AAGAB: variants seen among roughly 807,000 people sequenced by gnomAD.
AAGAB encodes the protein alpha- and gamma-adaptin-binding protein p34.
AAGAB carries 38 observed loss-of-function variants against 44.1 expected under a neutral mutation model. The observed-to-expected ratio is 0.86, with a 90% confidence interval of 0.67 to 1.13. The LOEUF is 1.13. AAGAB is among the 50% of genes most tolerant of loss of function. AAGAB has a pLI of 0.00. For missense variants in AAGAB, 450 were observed against 373.8 expected (o/e 1.20, Z -1.68); for synonymous variants, 131 against 131.8 (o/e 0.99, Z 0.04).
At chr15:67,243,671 C>T (rs573249551) in intron 1 of AAGAB, among the ~76,000 whole-genome samples, 3 of 152,140 alleles carry the variant, frequency 2.0e-5, no homozygotes, top group Non-Finnish European at 4.4e-5. Context: ...TGATCTACAG[C>T]AAAGAAACCT....
intron 1 of AAGAB, among the ~76,000 whole-genome samples, chr15:67,249,314 C>T (rs2140399460): frequency 6.6e-6 from 1 of 152,186 alleles, no homozygotes; most frequent in East Asian, 1.9e-4. Context: ...GGATTACAGG[C>T]GTGAGCCACC....
intron 5 of AAGAB, among the ~76,000 whole-genome samples, chr15:67,222,240 GCGCACACACACACACA>G (rs1383337163): frequency 1.2e-4 from 11 of 88,194 alleles, no homozygotes; most frequent in African/African-American, 3.3e-4. Context: ...ACGCGCGCGC[GCGCACACACACACACA>G]CACACACACA....
In AAGAB at chr15:67,236,151, A is replaced by G. The variant is rs1373198315; in HGVS notation, c.362-83T>C. 5.4e-6 allele frequency: 6 copies of G among 1,119,038 alleles called. No individual in the cohort carries two copies. In the African/African-American group the frequency reaches 9.3e-5, roughly 17 times the overall value. 69.3% of individuals were successfully genotyped at this position (1,119,038 alleles called of 1,614,324 possible). A position where few individuals can be genotyped will look rare whatever the true frequency, so the allele number is the denominator to read the frequency against. ...CCTGCAATATTCTTCACAAATCTCA[A>G]TGTGTTTCCCTTAATGTCAATGTTA... On this transcript the variant is annotated intron_variant, in intron 3 of 9. Coordinates refer to ENST00000261880, the MANE Select transcript of AAGAB (RefSeq NM_024666.5).
intron 5 of AAGAB, among the ~76,000 whole-genome samples, chr15:67,223,547 C>T (rs1397150867): frequency 6.6e-6 from 1 of 152,064 alleles, no homozygotes; most frequent in African/African-American, 2.4e-5. Context: ...CTTTTCTTAC[C>T]CCTTTCATTG....
In AAGAB at chr15:67,254,559, G is replaced by A. The variant is rs1223038784; in HGVS notation, c.73C>T (p.His25Tyr). ...SVFSGDQLVQ[H>Y]ILGTEDLIVE... is the part of the protein sequence containing the mutation. ...TCGGCCCAGGCGCCTATCTACTCAC[G>A]TTGGACCAGCTGGTCTCCTGAGAAG... The change falls in exon 1 of 10, where the codon CAT becomes TAT. Residue 25 changes from histidine to tyrosine, a missense_variant and splice_region_variant. His to Tyr is a moderately conservative substitution (Grantham distance 83). Coordinates refer to ENST00000261880, the MANE Select transcript of AAGAB (RefSeq NM_024666.5). 1 of 1,607,386 alleles carries A rather than the reference G, an allele frequency of 6.2e-7. No homozygotes were observed. Among genetic ancestry groups the A allele is most frequent in the Non-Finnish European group, 8.5e-7 (1 of 1,177,958 alleles).
chr15:67,229,492 T>C (rs999967499), intron 5 of AAGAB, among the ~76,000 whole-genome samples: 5 of 151,828 alleles, frequency 3.3e-5, no homozygotes, highest in African/African-American at 1.2e-4. Flanking sequence ...CTCCTTGTTC[T>C]TTCTAGATCT....
rs1206024742 is a variant in AAGAB at position 67,201,036 on chromosome 15, T to A, written c.*1785A>T. On this transcript the variant is annotated 3_prime_UTR_variant, in exon 10 of 10. Coordinates refer to ENST00000261880, the MANE Select transcript of AAGAB (RefSeq NM_024666.5). ...AATAGACATTAGCACAGTTTATAAA[T>A]AAATCACATTTTAATCATCTGGCTT... 6.6e-6 allele frequency: 1 copy of A among 152,348 alleles called. No homozygotes were observed. The highest frequency in any genetic ancestry group is 2.4e-5 in the African/African-American group (1 of 41,462). 9.4% of individuals were successfully genotyped at this position (152,348 alleles called of 1,614,324 possible).
At position 67,231,877 on chromosome 15, in the gene AAGAB, C is replaced by G. The variant is rs1233572775; in HGVS notation, c.472G>C (p.Gly158Arg). 2 of 1,611,198 alleles carry G rather than the reference C, an allele frequency of 1.2e-6. No individual in the cohort carries two copies. The highest frequency in any genetic ancestry group is 3.3e-5 in the Admixed American group (2 of 59,974). The change falls in exon 5 of 10, where the codon GGA becomes CGA. Residue 158 changes from glycine (G) to arginine (R), a missense_variant. Physicochemically the swap from Gly to Arg is moderately radical, Grantham distance 125. Coordinates refer to ENST00000261880, the MANE Select transcript of AAGAB (RefSeq NM_024666.5). ...AGGGCTTGGACAATTCGCTTTACTC[C>G]TGTAGATTCTGGGAAGTCATCTAAT... The part of the protein sequence containing the change: ...EEDDDFPEST[G>R]VKRIVQALNA...
chr15:67,228,023 GTTCTT>G (rs1964245058), intron 5 of AAGAB, among the ~76,000 whole-genome samples: 2 of 152,302 alleles, frequency 1.3e-5, no homozygotes, highest in South Asian at 4.1e-4. Flanking sequence ...TTGCTTTGCA[GTTCTT>G]TTAAGAATAT....
intron 1 of AAGAB, among the ~76,000 whole-genome samples, chr15:67,254,054 C>T (rs1020111487): frequency 6.6e-6 from 1 of 152,154 alleles, no homozygotes; most frequent in Non-Finnish European, 1.5e-5. Flanking sequence ...AGATGAAAGG[C>T]GTGAATAACT....
chr15:67,225,148 A>G (rs1253803724), intron 5 of AAGAB, among the ~76,000 whole-genome samples: 1 of 152,220 alleles, frequency 6.6e-6, no homozygotes, highest in Non-Finnish European at 1.5e-5. Context: ...CCAGGTGACT[A>G]AAGTTCCCAG....
chr15:67,254,766 C>A (rs1443737835), upstream of AAGAB: 1 of 1,316,970 alleles, frequency 7.6e-7, no homozygotes, highest in Non-Finnish European at 1.1e-6. Flanking sequence ...CGCCCCTAGA[C>A]CCCCTTCCGC....
chr15:67,237,496 T>A (rs1596007595), intron 1 of AAGAB, among the ~76,000 whole-genome samples: 1 of 152,354 alleles, frequency 6.6e-6, no homozygotes, highest in East Asian at 1.9e-4. Context: ...TATAACTGAA[T>A]CTTTTGGAAA....
chr15:67,237,877 T>G (rs1354940233), intron 1 of AAGAB, among the ~76,000 whole-genome samples: 1 of 152,216 alleles, frequency 6.6e-6, no homozygotes, highest in Non-Finnish European at 1.5e-5. Flanking sequence ...CACTGAAAAC[T>G]AGAAATTAAA....
In AAGAB at chr15:67,202,578, A is replaced by G. The variant is rs1162736514; in HGVS notation, c.*243T>C. On this transcript the variant is annotated 3_prime_UTR_variant, in exon 10 of 10. Coordinates refer to ENST00000261880, the MANE Select transcript of AAGAB (RefSeq NM_024666.5). ...CTACCCTCATTCCTAGAACAAAAAA[A>G]AAGTATATTTAAGAAATCCTCACTC... is the stretch of plus-strand genomic sequence containing the variant. The G allele has an allele frequency of 6.1e-6, 3 of 488,160 alleles. No individual in the cohort carries two copies. Among genetic ancestry groups the G allele is most frequent in the Admixed American group, 6.9e-5 (2 of 28,778 alleles). 30.2% of individuals were successfully genotyped at this position (488,160 alleles called of 1,614,324 possible).
At chr15:67,254,332 A>G in intron 1 of AAGAB, 1 of 1,261,068 alleles carries the variant, frequency 7.9e-7, no homozygotes, top group Non-Finnish European at 1.0e-6. Flanking sequence ...AATCAGTCTC[A>G]CTTTACACAG....
At chr15:67,213,364 A>G (rs1037408247) in intron 5 of AAGAB, among the ~76,000 whole-genome samples, 1 of 152,190 alleles carries the variant, frequency 6.6e-6, no homozygotes, top group Non-Finnish European at 1.5e-5. Context: ...TTTAACAATA[A>G]GAAGTTAAAA....
chr15:67,213,383 AAT>A (rs958040311), intron 5 of AAGAB, among the ~76,000 whole-genome samples: 6 of 152,156 alleles, frequency 3.9e-5, no homozygotes, highest in Admixed American at 3.9e-4. Context: ...AAAAACTTGA[AAT>A]ATATGAAATT....
intron 1 of AAGAB, among the ~76,000 whole-genome samples, chr15:67,238,515 A>T (rs1267036587): frequency 6.6e-6 from 1 of 152,244 alleles, no homozygotes; most frequent in Non-Finnish European, 1.5e-5. Context: ...AACTTCAAGA[A>T]GGTGGCATAG....
Sources: gnomAD v4.1 joint callset for allele counts (sites outside exome capture counted in the v4.1 genomes callset) on GRCh38, gnomAD v4.1.1 for gene constraint, MANE v1.5 for transcripts, NCBI Gene and HGNC (gene_info 2026-07-23, HGNC 2026-07-21) for gene names.